The following BRD7 variants were observed in gnomAD, a reference collection of about 807,000 sequenced individuals.
BRD7 encodes the protein bromodomain containing 7.
Under a neutral mutation model 82.1 loss-of-function variants are expected in BRD7, and 15 were observed. That is an observed-to-expected ratio of 0.18 (90% confidence interval 0.12 to 0.28). The LOEUF (loss-of-function observed/expected upper bound fraction) is 0.28, where lower values mean the gene tolerates loss of function less well. BRD7 is among the 10% of genes least tolerant of loss of function. The pLI, the probability that BRD7 is intolerant of heterozygous loss-of-function variation, is 1.00. For missense variants in BRD7, 638 were observed against 779.9 expected (o/e 0.82, Z 2.17); for synonymous variants, 232 against 266.9 (o/e 0.87, Z 1.27).
intron 5 of BRD7, 26 bp downstream of exon 5, chr16:50,349,997 T>C: frequency 2.0e-6 from 3 of 1,499,420 alleles, no homozygotes; most frequent in Non-Finnish European, 2.7e-6. Context: ...TACCAAGATT[T>C]TGTGTATATA....
At position 50,326,342 on chromosome 16, in the gene BRD7, C is replaced by A. The variant is rs961699600; in HGVS notation, c.1137G>T (p.Gln379His). The change falls in exon 10 of 17, where the codon CAG becomes CAT. Residue 379 changes from glutamine (Q) to histidine (H), a missense_variant. This residue lies in a region of BRD7 where 402 missense variants were observed against 500.8 expected (regional missense o/e 0.80). Transcript: ENST00000394688. The part of the protein sequence containing the change: ...VRLGMTTGRL[Q>H]SGVNTLQGFK... ...ACCCCTGCAAAGTATTCACTCCAGACTGAAGTCTTCCAGTTGTCATTCCCA... is the reference window on the plus strand; with the variant it reads ...ACCCCTGCAAAGTATTCACTCCAGAATGAAGTCTTCCAGTTGTCATTCCCA... The A allele has an allele frequency of 2.5e-6, 4 of 1,604,130 alleles. No individual in the cohort carries two copies. The African/African-American group carries it at 4.0e-5, about 16-fold the overall frequency.
chr16:50,352,080 G>A (rs1397035926), intron 4 of BRD7, among the ~76,000 whole-genome samples: 1 of 152,080 alleles, frequency 6.6e-6, no homozygotes, highest in Non-Finnish European at 1.5e-5. Context: ...CCTTTCCCTT[G>A]CCTCTGGTAA....
intron 6 of BRD7, among the ~76,000 whole-genome samples, chr16:50,337,982 T>C (rs527830390): frequency 5.5e-4 from 83 of 152,246 alleles, no homozygotes; most frequent in African/African-American, 1.9e-3. Context: ...GCCAGTAAAA[T>C]TCAAGAGATA....
At chr16:50,328,396 T>C (rs1009798062) in intron 9 of BRD7, among the ~76,000 whole-genome samples, 1 of 152,240 alleles carries the variant, frequency 6.6e-6, no homozygotes, top group Admixed American at 6.5e-5. Context: ...GGCTAGGAAT[T>C]ACTATCTAAA....
chr16:50,324,317 G>A (rs759602521), intron 11 of BRD7, among the ~76,000 whole-genome samples: 2 of 151,842 alleles, frequency 1.3e-5, no homozygotes, highest in Admixed American at 6.6e-5. Context: ...CTACTCCCCC[G>A]GTCCATTTCT....
intron 5 of BRD7, chr16:50,349,323 C>G (rs548204659): frequency 3.2e-6 from 1 of 311,756 alleles, no homozygotes; most frequent in African/African-American, 2.3e-5. Flanking sequence ...TTCAGCGCAC[C>G]AACATGGCAC....
chr16:50,366,715 T>C (rs1330667881), intron 2 of BRD7, among the ~76,000 whole-genome samples: 2 of 152,180 alleles, frequency 1.3e-5, no homozygotes, highest in Non-Finnish European at 2.9e-5. Flanking sequence ...ACCTAAAAAG[T>C]GTCCAGAGTG....
chr16:50,350,532 G>A (rs12932353), intron 4 of BRD7, among the ~76,000 whole-genome samples: 2,881 of 152,246 alleles, frequency 0.019, 53 homozygotes, highest in Middle Eastern at 0.054. Context: ...AGGGGAAAAG[G>A]CTAAAATAGT....
chr16:50,358,110 T>C (rs62029974), intron 2 of BRD7, among the ~76,000 whole-genome samples: 28,970 of 152,240 alleles, frequency 0.19, 3,317 homozygotes, highest in Middle Eastern at 0.35. Flanking sequence ...TGTTGTAGTA[T>C]GAAAACCACC....
At chr16:50,325,915 T>C in intron 10 of BRD7, 32 bp from the exon 11 acceptor site, 1 of 1,550,148 alleles carries the variant, frequency 6.5e-7, no homozygotes, top group African/African-American at 1.4e-5. Flanking sequence ...GTAACACTAT[T>C]CTTTAACTTG....
rs572570795 is a variant in BRD7, at chr16:50,351,782, C to T, written c.447-1615G>A. Among the ~76,000 whole-genome samples, 77 of 151,966 alleles carry T rather than the reference C, an allele frequency of 5.1e-4. No homozygotes were observed. In the Middle Eastern group the frequency reaches 0.01, roughly 20 times the overall value. On this transcript the variant is annotated intron_variant, in intron 4 of 16. Transcript: ENST00000394688. ...ATTTAGAGGGTACAGTGTGATGTTT[C>T]GACACATATATACTAACATACATAT...
chr16:50,332,866 C>A (rs1459304516), intron 8 of BRD7, among the ~76,000 whole-genome samples: 1 of 152,090 alleles, frequency 6.6e-6, no homozygotes, highest in African/African-American at 2.4e-5. Context: ...CTATCCTAAA[C>A]AAATTAATGC....
At chr16:50,366,518 C>T (rs571772237) in intron 2 of BRD7, among the ~76,000 whole-genome samples, 3 of 152,318 alleles carry the variant, frequency 2.0e-5, no homozygotes, top group African/African-American at 4.8e-5. Context: ...TATTTGCATA[C>T]TATACTTGTC....
At chr16:50,323,790 GT>G in intron 11 of BRD7, 92 bp from the exon 12 acceptor site, 1 of 841,066 alleles carries the variant, frequency 1.2e-6, no homozygotes, top group Non-Finnish European at 2.0e-6. Flanking sequence ...GATGTCCTCG[GT>G]TATACATCAT....
chr16:50,355,026 T>C, intron 2 of BRD7, 104 bp from the exon 3 acceptor site: 1 of 1,350,420 alleles, frequency 7.4e-7, no homozygotes, highest in Non-Finnish European at 1.0e-6. Context: ...AAAGAAAATA[T>C]TCTTAATAAC....
At chr16:50,346,858 T>G (rs2038305496) in intron 5 of BRD7, among the ~76,000 whole-genome samples, 1 of 152,206 alleles carries the variant, frequency 6.6e-6, no homozygotes. Context: ...CTATTCCTTC[T>G]GAAACTATTC....
chr16:50,336,510 C>T (rs940440732), intron 6 of BRD7, among the ~76,000 whole-genome samples: 3 of 152,014 alleles, frequency 2.0e-5, no homozygotes, highest in Admixed American at 1.3e-4. Context: ...TGCAGTGAGC[C>T]GAGATTGCGC....
Position 50,354,937 on chromosome 16 carries a change from G to C in BRD7, c.259-15C>G. ...TTTTTATCCTCCTAAATGGAACAAAGGGAGATAATTTAGAAATATTTCAGA... is the reference window on the plus strand; with the variant it reads ...TTTTTATCCTCCTAAATGGAACAAACGGAGATAATTTAGAAATATTTCAGA... On this transcript the variant is annotated splice_polypyrimidine_tract_variant and intron_variant, in intron 2 of 16. Coordinates refer to ENST00000394688, the MANE Select transcript of BRD7 (RefSeq NM_013263.5). 6.2e-7 allele frequency: 1 copy of C among 1,608,432 alleles called. No individual in the cohort carries two copies. Among genetic ancestry groups the C allele is most frequent in the Non-Finnish European group, 8.5e-7 (1 of 1,178,228 alleles).
At chr16:50,322,440 A>G (rs2037159763) in intron 12 of BRD7, among the ~76,000 whole-genome samples, 2 of 152,256 alleles carry the variant, frequency 1.3e-5, no homozygotes, top group African/African-American at 4.8e-5. Context: ...TAAAATAATC[A>G]AATGCTACAG....
Sources: allele counts gnomAD v4.1 joint callset (sites outside exome capture counted in the v4.1 genomes callset), GRCh38; gene constraint gnomAD v4.1.1; regional missense constraint gnomAD v4.1.1; transcripts MANE v1.5; gene names NCBI Gene and HGNC (gene_info 2026-07-23, HGNC 2026-07-21).